Variants in SEL1L observed in about 807,000 individuals in gnomAD.
The protein encoded by SEL1L is protein sel-1 homolog 1.
Under a neutral mutation model 109.8 loss-of-function variants are expected in SEL1L, and 52 were observed. The observed-to-expected ratio is 0.47, with a 90% confidence interval of 0.38 to 0.60. The LOEUF (loss-of-function observed/expected upper bound fraction) is 0.60, where lower values mean the gene tolerates loss of function less well. Among genes scored for constraint, SEL1L ranks in the 20% least tolerant of loss-of-function variants. SEL1L has a pLI of 0.00. For missense variants in SEL1L, 749 were observed against 962.2 expected (o/e 0.78, Z 2.93); for synonymous variants, 373 against 339.6 (o/e 1.10, Z -1.08).
Position 81,526,949 on chromosome 14 carries a change from C to A in SEL1L, c.124G>T (p.Asp42Tyr). The change falls in exon 3 of 21, where the codon GAT (aspartate) becomes TAT (tyrosine). Residue 42 changes from aspartate to tyrosine, a missense_variant. Physicochemically the swap from Asp to Tyr is radical, Grantham distance 160 (BLOSUM62 -3). Coordinates refer to ENST00000336735, the MANE Select transcript of SEL1L (RefSeq NM_005065.6). Reference protein sequence around the residue: ...SLDSKTTLTSDESVKDHTTAG... With the variant: ...SLDSKTTLTSYESVKDHTTAG... ...GTAGTATGGTCCTTTACTGACTCAT[C>A]TGATGTCAAAGTAGTCTGAGAATAT... The A allele has an allele frequency of 6.2e-7, 1 of 1,610,310 alleles. No homozygotes were observed. Among genetic ancestry groups the A allele is most frequent in the Non-Finnish European group, 8.5e-7 (1 of 1,177,550 alleles).
At position 81,476,706 on chromosome 14, in the gene SEL1L, T is replaced by C. The variant is rs2139975662; in HGVS notation, c.*266A>G. 2 of 441,684 alleles carry C rather than the reference T, an allele frequency of 4.5e-6. 1 individual carries two copies. Among genetic ancestry groups the C allele is most frequent in the Middle Eastern group, 1.2e-3 (2 of 1,626 alleles). The allele number at this position is 441,684 out of a possible 1,614,324, so 27.4% of individuals were successfully genotyped here. Reference sequence around the variant, plus strand: ...TAGACATTACTCTGAGTGTCTCACATATGTTTCCAGAAAAGAAAAAAAAAA... The same window carrying C: ...TAGACATTACTCTGAGTGTCTCACACATGTTTCCAGAAAAGAAAAAAAAAA... On this transcript the variant is annotated 3_prime_UTR_variant, in exon 21 of 21. Transcript: ENST00000336735.
chr14:81,513,920 A>AC (rs1446855663), intron 3 of SEL1L, among the ~76,000 whole-genome samples: 3 of 152,218 alleles, frequency 2.0e-5, no homozygotes, highest in Non-Finnish European at 4.4e-5. Flanking sequence ...TCTCGAAGTC[A>AC]CGTCGCCCAA....
In SEL1L at chr14:81,476,739, A is replaced by G. The variant is rs954969633; in HGVS notation, c.*233T>C. ...CAGAAAAGAAAAAAAAAAGCCACTG[A>G]AAGTTGTTATTCCATATGGCACTGA... On this transcript the variant is annotated 3_prime_UTR_variant, in exon 21 of 21. Transcript: ENST00000336735. 1 of 488,608 alleles carries G rather than the reference A, an allele frequency of 2.0e-6. No homozygotes were observed. 30.3% of individuals were successfully genotyped at this position (488,608 alleles called of 1,614,324 possible).
chr14:81,483,191 A>G (rs1903413625), intron 19 of SEL1L, among the ~76,000 whole-genome samples: 1 of 152,254 alleles, frequency 6.6e-6, no homozygotes, highest in South Asian at 2.1e-4. Context: ...TTCTAGTCAT[A>G]CATTTAAAAA....
intron 3 of SEL1L, among the ~76,000 whole-genome samples, chr14:81,524,123 G>A (rs1885023908): frequency 6.6e-6 from 1 of 152,106 alleles, no homozygotes; most frequent in Non-Finnish European, 1.5e-5. Flanking sequence ...AAGAATCCCA[G>A]GTAACAAATG....
intron 3 of SEL1L, among the ~76,000 whole-genome samples, chr14:81,522,947 C>T (rs1884977973): frequency 6.6e-6 from 1 of 152,044 alleles, no homozygotes; most frequent in South Asian, 2.1e-4. Flanking sequence ...CAAATATTTT[C>T]AAATATTTGG....
At chr14:81,513,656 G>A (rs1322244049) in intron 3 of SEL1L, among the ~76,000 whole-genome samples, 2 of 152,088 alleles carry the variant, frequency 1.3e-5, no homozygotes, top group Non-Finnish European at 2.9e-5. Context: ...TAGAATTCGG[G>A]GGCTAAATAC....
intron 2 of SEL1L, among the ~76,000 whole-genome samples, chr14:81,527,321 G>A (rs1595538462): frequency 1.3e-5 from 2 of 152,138 alleles, no homozygotes; most frequent in East Asian, 3.9e-4. Flanking sequence ...TGCAGGGTTG[G>A]GCTTGGTTAG....
In SEL1L at chr14:81,499,649, A is replaced by G; in HGVS notation, c.791T>C (p.Leu264Pro). 6.2e-7 allele frequency: 1 copy of G among 1,608,058 alleles called. No homozygotes were observed. The highest frequency in any genetic ancestry group is 8.5e-7 in the Non-Finnish European group (1 of 1,178,758). The change falls in exon 7 of 21, where the codon CTG becomes CCG. Residue 264 changes from leucine to proline, a missense_variant. Around this residue, in one of 2 missense-constraint regions of SEL1L, gnomAD observed 366 missense variants for 399.8 expected, o/e 0.92. Transcript: ENST00000336735. ...ATTAACACCAAGTCCAGAGGCATAC[A>G]GAAAGCCAAGAGCCTGAAATAGATG... ...SPKGQTALGF[L>P]YASGLGVNSS...
intron 12 of SEL1L, 123 bp from the exon 13 acceptor site, chr14:81,490,588 C>A: frequency 1.4e-6 from 1 of 739,858 alleles, no homozygotes; most frequent in Non-Finnish European, 2.3e-6. Context: ...ATTTAGAATT[C>A]CCCACAGGAT....
chr14:81,477,195 A>T lies in SEL1L; in HGVS notation c.2176-14T>A. On this transcript the variant is annotated splice_polypyrimidine_tract_variant and intron_variant, in intron 20 of 20. Coordinates refer to ENST00000336735, the MANE Select transcript of SEL1L (RefSeq NM_005065.6). ...CATATCTCGAATCTTAATGAAAATA[A>T]TATAGAAACCATTATTATCACTAAA... The T allele has an allele frequency of 6.2e-7, 1 of 1,600,744 alleles. No individual in the cohort carries two copies. Among genetic ancestry groups the T allele is most frequent in the Non-Finnish European group, 8.6e-7 (1 of 1,168,272 alleles).
chr14:81,517,131 T>C (rs982729169), intron 3 of SEL1L, among the ~76,000 whole-genome samples: 8 of 151,996 alleles, frequency 5.3e-5, no homozygotes, highest in African/African-American at 1.5e-4. Flanking sequence ...GGGGCCTGAG[T>C]GGTCATGGAG....
At chr14:81,493,935 A>G (rs1018061869) in intron 11 of SEL1L, among the ~76,000 whole-genome samples, 1 of 152,100 alleles carries the variant, frequency 6.6e-6, no homozygotes, top group Non-Finnish European at 1.5e-5. Flanking sequence ...TTATTTTTCT[A>G]TCAGTTGACT....
intron 3 of SEL1L, among the ~76,000 whole-genome samples, chr14:81,514,462 C>T (rs575780778): frequency 1.3e-5 from 2 of 152,144 alleles, no homozygotes; most frequent in African/African-American, 2.4e-5. Context: ...TTCAAGAATG[C>T]GTTGTTAAGG....
Position 81,495,101 on chromosome 14 carries a change from C to T in SEL1L, c.1165G>A (p.Gly389Arg), listed in dbSNP as rs1883689832. The change falls in exon 11 of 21, where the codon GGA (glycine) becomes AGA (arginine). Residue 389 changes from glycine (G) to arginine (R), a missense_variant. Physicochemically the swap from Gly to Arg is moderately radical, Grantham distance 125. This residue lies in a region of SEL1L where 383 missense variants were observed against 562.5 expected (regional missense o/e 0.68). Coordinates refer to ENST00000336735, the MANE Select transcript of SEL1L (RefSeq NM_005065.6). ...GTTACCTGATGATTCTGTTCTACTC[C>T]ACGCCCTCCGTGCAGGTGCAGTTGT... ...LGQLHLHGGR[G>R]VEQNHQRAFD... is the part of the protein sequence containing the mutation. 1 of 1,613,922 alleles carries T rather than the reference C, an allele frequency of 6.2e-7. No homozygotes were observed. The highest frequency in any genetic ancestry group is 8.5e-7 in the Non-Finnish European group (1 of 1,180,006).
In SEL1L at chr14:81,476,009, GAT is replaced by G. The variant is rs1051522468; in HGVS notation, c.*961_*962del. 8.5e-5 allele frequency: 13 copies of G among 152,162 alleles called. 1 individual carries two copies. The highest frequency in any genetic ancestry group is 8.5e-4 in the Admixed American group (13 of 15,270). 9.4% of individuals were successfully genotyped at this position (152,162 alleles called of 1,614,324 possible). A position where few individuals can be genotyped will look rare whatever the true frequency, so the allele number is the denominator to read the frequency against. On this transcript the variant is annotated 3_prime_UTR_variant, in exon 21 of 21. Coordinates refer to ENST00000336735, the MANE Select transcript of SEL1L (RefSeq NM_005065.6). ...TCATATTTAAAGAATTCAGGAAGGT[GAT>G]GTGTTCTTTGTGCAAAAAGAAATGC... is the stretch of plus-strand genomic sequence containing the variant.
In SEL1L at chr14:81,474,236, C is replaced by T. The variant is rs1245034803; in HGVS notation, c.*2736G>A. Reference sequence around the variant, plus strand: ...AAAACAGAAACTGAAACTTCAAACACAGAGACAGAAAAAAAAAAAAAAACC... The same window carrying T: ...AAAACAGAAACTGAAACTTCAAACATAGAGACAGAAAAAAAAAAAAAAACC... On this transcript the variant is annotated 3_prime_UTR_variant, in exon 21 of 21. Coordinates refer to ENST00000336735, the MANE Select transcript of SEL1L (RefSeq NM_005065.6). 1 of 142,708 alleles carries T rather than the reference C, an allele frequency of 7.0e-6. No homozygotes were observed. The highest frequency in any genetic ancestry group is 1.5e-5 in the Non-Finnish European group (1 of 65,970). The allele number at this position is 142,708 out of a possible 1,614,324, so 8.8% of individuals were successfully genotyped here. A position where few individuals can be genotyped will look rare whatever the true frequency, so the allele number is the denominator to read the frequency against.
At chr14:81,512,654 C>A (rs764058000) in intron 3 of SEL1L, among the ~76,000 whole-genome samples, 2 of 152,224 alleles carry the variant, frequency 1.3e-5, no homozygotes, top group African/African-American at 2.4e-5. Flanking sequence ...AAGTCCTGAA[C>A]TGCCTATCTG....
At chr14:81,510,251 G>A (rs953279287) in intron 3 of SEL1L, among the ~76,000 whole-genome samples, 4 of 152,180 alleles carry the variant, frequency 2.6e-5, no homozygotes, top group Non-Finnish European at 5.9e-5. Flanking sequence ...AAGCCTTGCT[G>A]GAGCTGGATT....
Sources: allele counts gnomAD v4.1 joint callset (sites outside exome capture counted in the v4.1 genomes callset), GRCh38; gene constraint gnomAD v4.1.1; regional missense constraint gnomAD v4.1.1; transcripts MANE v1.5; gene names NCBI Gene and HGNC (gene_info 2026-07-23, HGNC 2026-07-21).